LRRC4C: variants seen among roughly 807,000 people sequenced by gnomAD.
LRRC4C encodes the protein leucine rich repeat containing 4C.
LRRC4C carries 5 observed loss-of-function variants against 33.6 expected under a neutral mutation model. That is an observed-to-expected ratio of 0.15 (90% CI 0.08 to 0.31). The LOEUF is 0.31. Ranked by LOEUF, LRRC4C falls within the 10% of genes least tolerant of loss-of-function variation. The pLI, the probability that LRRC4C is intolerant of heterozygous loss-of-function variation, is 1.00. For missense variants in LRRC4C, 560 were observed against 796.7 expected (o/e 0.70, Z 3.58); for synonymous variants, 329 against 302.0 (o/e 1.09, Z -0.93).
At chr11:40,604,801 A>C (rs908207333) in intron 3 of LRRC4C, among the ~76,000 whole-genome samples, 41 of 152,100 alleles carry the variant, frequency 2.7e-4, no homozygotes, top group Admixed American at 1.8e-3. Flanking sequence ...GAAAATATAT[A>C]AAGAAGAAAA....
chr11:40,656,866 G>T (rs1294412766), intron 2 of LRRC4C, among the ~76,000 whole-genome samples: 7 of 152,112 alleles, frequency 4.6e-5, no homozygotes, highest in African/African-American at 1.7e-4. Flanking sequence ...TCCTAAAGTG[G>T]TTGGTAAATT....
At chr11:40,713,239 T>C (rs1946552405) in intron 2 of LRRC4C, among the ~76,000 whole-genome samples, 1 of 152,136 alleles carries the variant, frequency 6.6e-6, no homozygotes, top group African/African-American at 2.4e-5. Flanking sequence ...CTTCTGGTAT[T>C]GTAGAGGGCA....
intron 6 of LRRC4C, among the ~76,000 whole-genome samples, chr11:40,139,123 G>A (rs1857185217): frequency 6.6e-6 from 1 of 152,174 alleles, no homozygotes; most frequent in African/African-American, 2.4e-5. Flanking sequence ...GGAAGAAGAG[G>A]AGGCGGCGAG....
At chr11:40,221,812 G>A (rs4756585) in intron 5 of LRRC4C, among the ~76,000 whole-genome samples, 2 of 151,850 alleles carry the variant, frequency 1.3e-5, no homozygotes, top group African/African-American at 2.4e-5. Context: ...CCCCAGTCAC[G>A]TACCCCCTGC....
At chr11:40,715,800 G>A (rs1297066972) in intron 2 of LRRC4C, among the ~76,000 whole-genome samples, 1 of 152,182 alleles carries the variant, frequency 6.6e-6, no homozygotes, top group African/African-American at 2.4e-5. Context: ...TGAGGCCGGC[G>A]GATCGCGTGA....
intron 4 of LRRC4C, chr11:40,293,690 C>T (rs1944357732): frequency 6.6e-6 from 1 of 152,224 alleles, no homozygotes. Context: ...TGGCTCTTCT[C>T]ATCCTTCTCA....
chr11:40,972,677 G>A (rs1851807571), intron 1 of LRRC4C, among the ~76,000 whole-genome samples: 1 of 152,128 alleles, frequency 6.6e-6, no homozygotes, highest in African/African-American at 2.4e-5. Context: ...GAGCGAAGTT[G>A]GGAAAAGCCC....
At chr11:40,740,554 A>G (rs942500930) in intron 2 of LRRC4C, among the ~76,000 whole-genome samples, 1 of 151,850 alleles carries the variant, frequency 6.6e-6, no homozygotes, top group East Asian at 1.9e-4. Flanking sequence ...CACCTCATCA[A>G]TTGTATAGTT....
At position 40,213,778 on chromosome 11, in the gene LRRC4C, C is replaced by T. The variant is rs181295754; in HGVS notation, c.-96+27741G>A. 5.3e-5 allele frequency among the ~76,000 whole-genome samples: 8 copies of T among 152,246 alleles called. No individual in the cohort carries two copies. The East Asian group carries it at 1.5e-3, about 29-fold the overall frequency. ...CAGAATGAGGTTGGAGCATTGGATA[C>T]ATTAAGAATGAGTTTCCTTTCTTCC... On this transcript the variant is annotated intron_variant, in intron 5 of 6. Coordinates refer to ENST00000528697, the MANE Select transcript of LRRC4C (RefSeq NM_001258419.2).
At chr11:40,507,575 C>T (rs1565457218) in intron 3 of LRRC4C, among the ~76,000 whole-genome samples, 1 of 151,896 alleles carries the variant, frequency 6.6e-6, no homozygotes, top group African/African-American at 2.4e-5. Flanking sequence ...CTAGCATTAC[C>T]ATATGTGTGA....
chr11:40,332,959 C>T (rs779284398), intron 3 of LRRC4C, among the ~76,000 whole-genome samples: 14 of 152,080 alleles, frequency 9.2e-5, no homozygotes, highest in East Asian at 1.9e-4. Flanking sequence ...GTTATTTAAA[C>T]GCAGGGACCA....
intron 1 of LRRC4C, among the ~76,000 whole-genome samples, chr11:41,263,474 G>C (rs1307485932): frequency 6.6e-6 from 1 of 152,152 alleles, no homozygotes; most frequent in Non-Finnish European, 1.5e-5. Context: ...GGGGCATTTA[G>C]AGAAAGCGTC....
chr11:40,533,484 G>A (rs1956352570), intron 3 of LRRC4C, among the ~76,000 whole-genome samples: 1 of 152,008 alleles, frequency 6.6e-6, no homozygotes, highest in Admixed American at 6.6e-5. Context: ...TTGAGTGTGG[G>A]GGAGAATTGA....
At chr11:41,098,223 G>A (rs1444220748) in intron 1 of LRRC4C, among the ~76,000 whole-genome samples, 2 of 152,118 alleles carry the variant, frequency 1.3e-5, no homozygotes, top group African/African-American at 4.8e-5. Context: ...GCCATGAAGG[G>A]ATTTCAGGGT....
At chr11:40,827,073 A>G (rs1952197287) in intron 2 of LRRC4C, among the ~76,000 whole-genome samples, 2 of 151,904 alleles carry the variant, frequency 1.3e-5, no homozygotes, top group South Asian at 4.1e-4. Flanking sequence ...AATAAAGTTA[A>G]AGTTTTTGAT....
chr11:40,800,151 T>C (rs2135269083), intron 2 of LRRC4C, among the ~76,000 whole-genome samples: 1 of 152,370 alleles, frequency 6.6e-6, no homozygotes, highest in South Asian at 2.1e-4. Flanking sequence ...TTTTTAGTTT[T>C]CTTTTTATAA....
At chr11:40,607,139 G>T (rs1565553878) in intron 3 of LRRC4C, among the ~76,000 whole-genome samples, 1 of 152,102 alleles carries the variant, frequency 6.6e-6, no homozygotes, top group Non-Finnish European at 1.5e-5. Flanking sequence ...GGCGAAATAC[G>T]ATTTTCCCAT....
intron 1 of LRRC4C, among the ~76,000 whole-genome samples, chr11:41,385,572 T>C (rs1953329519): frequency 6.6e-6 from 1 of 151,704 alleles, no homozygotes; most frequent in Admixed American, 6.6e-5. Context: ...GACTTAATGA[T>C]TACTAAAATA....
chr11:41,437,695 T>G (rs1955477839), intron 1 of LRRC4C, among the ~76,000 whole-genome samples: 1 of 152,192 alleles, frequency 6.6e-6, no homozygotes. Context: ...TATAAAAATC[T>G]CCTGACTTTT....
Sources: allele counts gnomAD v4.1 joint callset (sites outside exome capture counted in the v4.1 genomes callset), GRCh38; gene constraint gnomAD v4.1.1; transcripts MANE v1.5; gene names NCBI Gene and HGNC (gene_info 2026-07-23, HGNC 2026-07-21).